The following CLNK variants were observed in gnomAD, a reference collection of about 807,000 sequenced individuals.
CLNK encodes the protein cytokine-dependent hematopoietic cell linker.
Under a neutral mutation model 68.6 loss-of-function variants are expected in CLNK, and 74 were observed. The ratio of observed to expected loss-of-function variants is 1.08; its 90% CI spans 0.89 to 1.31. The LOEUF (loss-of-function observed/expected upper bound fraction) is 1.31, where lower values mean the gene tolerates loss of function less well. Among genes scored for constraint, CLNK ranks in the 50% most tolerant of loss-of-function variants. The pLI is 0.00. For missense variants in CLNK, 553 were observed against 515.3 expected (o/e 1.07, Z -0.71); for synonymous variants, 198 against 172.2 (o/e 1.15, Z -1.17).
chr4:10,496,966 TG>T (rs1322456505), intron 18 of CLNK, among the ~76,000 whole-genome samples: 1 of 152,242 alleles, frequency 6.6e-6, no homozygotes, highest in Non-Finnish European at 1.5e-5. Flanking sequence ...TCTCTGTTTT[TG>T]TTGCTTCATT....
chr4:10,648,634 CCAAGGCTT>C (rs1723610687), intron 2 of CLNK, among the ~76,000 whole-genome samples: 1 of 152,062 alleles, frequency 6.6e-6, no homozygotes, highest in African/African-American at 2.4e-5. Flanking sequence ...ATGAAGAAAT[CCAAGGCTT>C]ACAGAGTAAA....
chr4:10,708,190 G>T, the CLNK span, among the ~76,000 whole-genome samples: 11 of 152,204 alleles, frequency 7.2e-5, 1 homozygote, highest in African/African-American at 1.4e-4. Context: ...ACTTCCTGAC[G>T]CTCCTTAACC....
At chr4:10,725,664 T>C in the CLNK span, among the ~76,000 whole-genome samples, 11 of 152,172 alleles carry the variant, frequency 7.2e-5, no homozygotes, top group East Asian at 1.9e-4. Flanking sequence ...CCATCCTGGC[T>C]AACATGGTGA....
At chr4:10,668,231 A>G (rs775101981) in intron 1 of CLNK, among the ~76,000 whole-genome samples, 1 of 152,194 alleles carries the variant, frequency 6.6e-6, no homozygotes, top group Non-Finnish European at 1.5e-5. Context: ...CACGTTAGCC[A>G]GGCTTGGCTG....
the CLNK span, among the ~76,000 whole-genome samples, chr4:10,701,328 G>A: frequency 5.9e-5 from 9 of 152,158 alleles, no homozygotes; most frequent in Non-Finnish European, 1.2e-4. Context: ...TGTGGTTGAA[G>A]GTCCCCCATG....
At chr4:10,583,289 C>G (rs1261565274) in intron 4 of CLNK, among the ~76,000 whole-genome samples, 11 of 149,522 alleles carry the variant, frequency 7.4e-5, no homozygotes, top group Admixed American at 7.3e-4. Context: ...CTTTTTTTTT[C>G]TTTTTTGAGA....
At chr4:10,630,449 T>C (rs1370721712) in intron 2 of CLNK, among the ~76,000 whole-genome samples, 1 of 152,000 alleles carries the variant, frequency 6.6e-6, no homozygotes, top group Non-Finnish European at 1.5e-5. Flanking sequence ...AAGCTCAGAG[T>C]CGTTTCCACT....
intron 2 of CLNK, among the ~76,000 whole-genome samples, chr4:10,610,655 T>C (rs2108853737): frequency 6.6e-6 from 1 of 152,178 alleles, no homozygotes; most frequent in South Asian, 2.1e-4. Context: ...GCAAATAAAA[T>C]AACAACAGTG....
chr4:10,733,186 C>T, the CLNK span, among the ~76,000 whole-genome samples: 1 of 152,248 alleles, frequency 6.6e-6, no homozygotes, highest in East Asian at 1.9e-4. Flanking sequence ...GGGGGTGCCT[C>T]TGCCAGACCT....
At chr4:10,572,365 A>T (rs559988338) in intron 4 of CLNK, among the ~76,000 whole-genome samples, 1 of 152,222 alleles carries the variant, frequency 6.6e-6, no homozygotes, top group Non-Finnish European at 1.5e-5. Flanking sequence ...GCCTTTTCTC[A>T]GCACTCAACA....
chr4:10,609,529 T>C (rs1384706970), intron 2 of CLNK, among the ~76,000 whole-genome samples: 1 of 152,216 alleles, frequency 6.6e-6, no homozygotes, highest in Non-Finnish European at 1.5e-5. Flanking sequence ...AAACTCTGGA[T>C]TTCCTGACAT....
At chr4:10,668,788 C>A (rs561840266) in intron 1 of CLNK, among the ~76,000 whole-genome samples, 1 of 152,086 alleles carries the variant, frequency 6.6e-6, no homozygotes, top group Non-Finnish European at 1.5e-5. Flanking sequence ...AGGGAGGGAG[C>A]TGTGTTGGGT....
At chr4:10,596,726 T>C (rs1346329115) in intron 3 of CLNK, among the ~76,000 whole-genome samples, 1 of 152,200 alleles carries the variant, frequency 6.6e-6, no homozygotes, top group Non-Finnish European at 1.5e-5. Flanking sequence ...TGCAAAAACA[T>C]CATCTGTTGC....
chr4:10,560,122 A>T (rs1229478335), intron 7 of CLNK, among the ~76,000 whole-genome samples: 1 of 152,172 alleles, frequency 6.6e-6, no homozygotes, highest in East Asian at 1.9e-4. Context: ...CTCCAATGGC[A>T]CTGGCTACTC....
At chr4:10,692,763 G>A in the CLNK span, among the ~76,000 whole-genome samples, 3 of 152,174 alleles carry the variant, frequency 2.0e-5, no homozygotes, top group Non-Finnish European at 2.9e-5. Flanking sequence ...TAAAACCTCC[G>A]TGAGGCTTGG....
chr4:10,614,168 T>A (rs980305245), intron 2 of CLNK, among the ~76,000 whole-genome samples: 1 of 152,224 alleles, frequency 6.6e-6, no homozygotes, highest in Non-Finnish European at 1.5e-5. Flanking sequence ...TCTCCTCCCC[T>A]GGCAGATGTC....
At chr4:10,510,087 T>C (rs917320820) in intron 16 of CLNK, among the ~76,000 whole-genome samples, 1 of 152,184 alleles carries the variant, frequency 6.6e-6, no homozygotes, top group African/African-American at 2.4e-5. Flanking sequence ...AGTCGGTTTT[T>C]ATTTATTTGT....
At chr4:10,660,848 C>G (rs551590128) in intron 2 of CLNK, among the ~76,000 whole-genome samples, 1 of 152,244 alleles carries the variant, frequency 6.6e-6, no homozygotes, top group Non-Finnish European at 1.5e-5. Flanking sequence ...CTCTGGCAAA[C>G]TCTATCTCTG....
intron 5 of CLNK, among the ~76,000 whole-genome samples, chr4:10,570,125 A>G (rs1043465480): frequency 6.6e-6 from 1 of 152,200 alleles, no homozygotes; most frequent in Admixed American, 6.5e-5. Context: ...GATTTGACAG[A>G]TGGGTATTTG....
Sources: gnomAD v4.1 joint callset for allele counts (sites outside exome capture counted in the v4.1 genomes callset) on GRCh38, gnomAD v4.1.1 for gene constraint, MANE v1.5 for transcripts, NCBI Gene and HGNC (gene_info 2026-07-23, HGNC 2026-07-21) for gene names.